CNDP1: variants seen among roughly 807,000 people sequenced by gnomAD.
The protein encoded by CNDP1 is beta-Ala-His dipeptidase.
Under a neutral mutation model 58.1 loss-of-function variants are expected in CNDP1, and 44 were observed. That is an observed-to-expected ratio of 0.76 (90% CI 0.60 to 0.97). CNDP1 has a LOEUF of 0.97. Among genes scored for constraint, CNDP1 ranks in the 50% least tolerant of loss-of-function variants. CNDP1 has a pLI of 0.00. For synonymous variants in CNDP1, 254 were observed against 252.6 expected (o/e 1.01, Z -0.05); for missense variants, 616 against 655.1 (o/e 0.94, Z 0.65).
intron 1 of CNDP1, among the ~76,000 whole-genome samples, chr18:74,552,247 GTAGT>G (rs1980930785): frequency 6.6e-6 from 1 of 152,224 alleles, no homozygotes; most frequent in Non-Finnish European, 1.5e-5. Flanking sequence ...TGTCAAATGA[GTAGT>G]TATAGCTATG....
In CNDP1 at chr18:74,534,602, G is replaced by A; in HGVS notation, c.-66G>A. ...AATGTCACCCTCTTGGGGCTTTCATGGGACTCCCTCTGCCACATTTTTTGG... is the reference window on the plus strand; with the variant it reads ...AATGTCACCCTCTTGGGGCTTTCATAGGACTCCCTCTGCCACATTTTTTGG... On this transcript the variant is annotated 5_prime_UTR_variant, in exon 1 of 12. An upstream start codon of the reference 5' UTR is lost. Coordinates refer to ENST00000358821, the MANE Select transcript of CNDP1 (RefSeq NM_032649.6). 1 of 1,559,516 alleles carries A rather than the reference G, an allele frequency of 6.4e-7. No homozygotes were observed. The highest frequency in any genetic ancestry group is 8.8e-7 in the Non-Finnish European group (1 of 1,130,914).
At chr18:74,567,545 G>C in intron 6 of CNDP1, 112 bp downstream of exon 6, 1 of 949,000 alleles carries the variant, frequency 1.1e-6, no homozygotes, top group Non-Finnish European at 1.6e-6. Context: ...GAGGGCAGAG[G>C]CCTTACCTGG....
intron 10 of CNDP1, among the ~76,000 whole-genome samples, chr18:74,580,663 A>G (rs1322688070): frequency 6.6e-6 from 1 of 152,142 alleles, no homozygotes; most frequent in Non-Finnish European, 1.5e-5. Flanking sequence ...ACATGTAAAA[A>G]CATCCTTTCA....
intron 1 of CNDP1, among the ~76,000 whole-genome samples, chr18:74,550,743 T>A (rs373900205): frequency 2.7e-5 from 1 of 36,366 alleles, no homozygotes; most frequent in Non-Finnish European, 6.0e-5. Context: ...CGCCCGACTA[T>A]TTTTTTTTTT....
chr18:74,558,705 T>A (rs957555246), intron 2 of CNDP1, among the ~76,000 whole-genome samples: 2 of 152,174 alleles, frequency 1.3e-5, no homozygotes, highest in African/African-American at 4.8e-5. Context: ...GGAGCATTAC[T>A]TTCTCATGCA....
chr18:74,543,668 T>C (rs1203765473), intron 1 of CNDP1, among the ~76,000 whole-genome samples: 1 of 151,678 alleles, frequency 6.6e-6, no homozygotes, highest in African/African-American at 2.4e-5. Flanking sequence ...TGAAAAATAT[T>C]ACAGAGAATA....
chr18:74,578,478 A>G (rs760967174), intron 9 of CNDP1, 151 bp downstream of exon 9: 9 of 788,834 alleles, frequency 1.1e-5, no homozygotes, highest in Non-Finnish European at 1.8e-5. Flanking sequence ...AGAAACCAAT[A>G]TTGCCCAGTG....
At chr18:74,580,868 C>T (rs979206907) in intron 10 of CNDP1, among the ~76,000 whole-genome samples, 2 of 152,214 alleles carry the variant, frequency 1.3e-5, no homozygotes, top group Non-Finnish European at 2.9e-5. Flanking sequence ...ACTCAGGAGG[C>T]TGAGGCAGAA....
intron 1 of CNDP1, among the ~76,000 whole-genome samples, chr18:74,547,790 G>A (rs973307941): frequency 3.9e-5 from 6 of 152,208 alleles, no homozygotes; most frequent in South Asian, 2.1e-4. Flanking sequence ...CTCTCGCTTC[G>A]GGGGAAGGAC....
Position 74,580,194 on chromosome 18 carries a change from T to G in CNDP1, c.1232T>G (p.Met411Arg). ...AGTTCCAACAAGATGGTTGTTTCCATGACTCTAGGACTACACCCGTGGATT... is the reference window on the plus strand; with the variant it reads ...AGTTCCAACAAGATGGTTGTTTCCAGGACTCTAGGACTACACCCGTGGATT... Reference protein sequence around the residue: ...RNSSNKMVVSMTLGLHPWIAN... With the variant: ...RNSSNKMVVSRTLGLHPWIAN... The change falls in exon 10 of 12, where the codon ATG becomes AGG. Residue 411 changes from methionine to arginine, a missense_variant. Coordinates refer to ENST00000358821, the MANE Select transcript of CNDP1 (RefSeq NM_032649.6). The G allele has an allele frequency of 6.2e-7, 1 of 1,614,114 alleles. No homozygotes were observed. Among genetic ancestry groups the G allele is most frequent in the Non-Finnish European group, 8.5e-7 (1 of 1,179,938 alleles).
intron 1 of CNDP1, among the ~76,000 whole-genome samples, chr18:74,540,108 G>A (rs181920690): frequency 1.3e-4 from 15 of 113,478 alleles, no homozygotes; most frequent in South Asian, 5.8e-4. Flanking sequence ...CTGGTCTTTC[G>A]AATCAGAATC....
At chr18:74,571,116 C>A in intron 6 of CNDP1, 70 bp from the exon 7 acceptor site, 1 of 997,598 alleles carries the variant, frequency 1.0e-6, no homozygotes, top group Non-Finnish European at 1.6e-6. Context: ...ATGTATTTCA[C>A]CATGTGAAAT....
chr18:74,570,033 C>CAA (rs56365298), intron 6 of CNDP1, among the ~76,000 whole-genome samples: 1,598 of 94,100 alleles, frequency 0.017, 55 homozygotes, highest in African/African-American at 0.065. Context: ...GAAGAAAATA[C>CAA]AAAAAAAAAA....
At chr18:74,573,417 T>C (rs116671128) in intron 7 of CNDP1, among the ~76,000 whole-genome samples, 3 of 43,850 alleles carry the variant, frequency 6.8e-5, no homozygotes, top group African/African-American at 1.4e-4. Flanking sequence ...CATTATCATC[T>C]ATCCATCCAT....
rs752697901 is a variant in CNDP1 at position 74,545,573 on chromosome 18, G to A, written c.25-10765G>A. Among the ~76,000 whole-genome samples the A allele has an allele frequency of 3.3e-5, 5 of 152,084 alleles. No individual in the cohort carries two copies. Among genetic ancestry groups the A allele is most frequent in the East Asian group, 1.9e-4 (1 of 5,174 alleles). The stretch of plus-strand genomic sequence containing the variant: ...TGCCAGGCTCTCCTCTCCTGACTCC[G>A]TGAGAAATCTCTGCTCTCCTCCTCG... On this transcript the variant is annotated intron_variant, in intron 1 of 11. Coordinates refer to ENST00000358821, the MANE Select transcript of CNDP1 (RefSeq NM_032649.6). The surrounding 1 kb of genome is among the most constrained non-coding windows in gnomAD (Gnocchi z 4.1).
chr18:74,551,395 A>ACACACACAC (rs1568293393), intron 1 of CNDP1, among the ~76,000 whole-genome samples: 189 of 109,550 alleles, frequency 1.7e-3, no homozygotes, highest in African/African-American at 5.8e-3. Context: ...CACACACACA[A>ACACACACAC]ACAAAAACAG....
At chr18:74,560,648 C>T (rs116041232) in intron 3 of CNDP1, among the ~76,000 whole-genome samples, 70 of 151,852 alleles carry the variant, frequency 4.6e-4, no homozygotes, top group African/African-American at 1.5e-3. Context: ...TGTGCCACTG[C>T]GCTCCAGCCT....
intron 1 of CNDP1, among the ~76,000 whole-genome samples, chr18:74,541,786 A>G (rs182401960): frequency 1.8e-4 from 28 of 152,122 alleles, no homozygotes; most frequent in Admixed American, 1.0e-3. Context: ...CCAATTCTCA[A>G]TTGCTCTTTC....
chr18:74,586,210 G>A lies in CNDP1; in HGVS notation c.*1648G>A, dbSNP rs1371765532. The A allele has an allele frequency of 7.9e-5, 12 of 152,130 alleles. No homozygotes were observed. Among genetic ancestry groups the A allele is most frequent in the Admixed American group, 2.0e-4 (3 of 15,288 alleles). 9.4% of individuals were successfully genotyped at this position (152,130 alleles called of 1,614,324 possible). ...AACCTAGTTGTGGGCATTTGTGAAGGATTCCAGTTAGTGTTTTCTTTGGAA... is the reference window on the plus strand; with the variant it reads ...AACCTAGTTGTGGGCATTTGTGAAGAATTCCAGTTAGTGTTTTCTTTGGAA... On this transcript the variant is annotated 3_prime_UTR_variant, in exon 12 of 12. Transcript: ENST00000358821.
Sources: allele counts gnomAD v4.1 joint callset (sites outside exome capture counted in the v4.1 genomes callset), GRCh38; gene constraint gnomAD v4.1.1; non-coding constraint Gnocchi (gnomAD v3.1); transcripts MANE v1.5; gene names NCBI Gene and HGNC (gene_info 2026-07-23, HGNC 2026-07-21).